SPSB3: variants seen among roughly 807,000 people sequenced by gnomAD.
The protein encoded by SPSB3 is SPRY domain-containing SOCS box protein 3.
Under a neutral mutation model 29.5 loss-of-function variants are expected in SPSB3, and 18 were observed. The observed-to-expected ratio is 0.61, with a 90% confidence interval of 0.42 to 0.91. The LOEUF is 0.91. Ranked by LOEUF, SPSB3 falls within the 40% of genes least tolerant of loss-of-function variation. The pLI, the probability that SPSB3 is intolerant of heterozygous loss-of-function variation, is 0.00. For synonymous variants in SPSB3, 299 were observed against 214.1 expected (o/e 1.40, Z -3.46); for missense variants, 540 against 507.5 (o/e 1.06, Z -0.61).
intron 2 of SPSB3, chr16:1,780,899 A>C: frequency 3.0e-6 from 1 of 331,294 alleles, no homozygotes; most frequent in Non-Finnish European, 5.9e-6. Context: ...CGCCTGACAC[A>C]TTTTTTAAAT....
Position 1,777,129 on chromosome 16 carries a change from G to T in SPSB3, c.1036C>A (p.Pro346Thr). ...CGGCGGCAGCGCTTCCTCTGGCAGG[G>T]CCGAGGCTCGCGACTGCTGGGGTGG... is the stretch of plus-strand genomic sequence containing the variant. ...SAHPSSREPR[P>T]CQRKRCRRT Residue 346 changes from proline (P) to threonine (T), a missense_variant, in exon 7 of 7, where the codon CCC becomes ACC. By Grantham distance (38) the Pro-to-Thr change is conservative. Coordinates refer to ENST00000566339, the MANE Select transcript of SPSB3 (RefSeq NM_080861.4). 3 of 1,611,688 alleles carry T rather than the reference G, an allele frequency of 1.9e-6. No homozygotes were observed. Among genetic ancestry groups the T allele is most frequent in the Non-Finnish European group, 2.5e-6 (3 of 1,179,680 alleles).
At chr16:1,777,663 C>T (rs1336960585) in intron 6 of SPSB3, 84 bp downstream of exon 6, 3 of 1,570,626 alleles carry the variant, frequency 1.9e-6, no homozygotes, top group Non-Finnish European at 2.6e-6. Flanking sequence ...TTCAGAAAAC[C>T]TCAGTGTCCC....
chr16:1,778,961 G>A (rs1042545273), intron 2 of SPSB3: 1 of 207,678 alleles, frequency 4.8e-6, no homozygotes. Context: ...CAGCCCTGCA[G>A]GGGCCCCCAG....
Position 1,777,043 on chromosome 16 carries a change from G to A in SPSB3, c.*54C>T, listed in dbSNP as rs529866924. The A allele has an allele frequency of 5.1e-6, 8 of 1,564,488 alleles. No homozygotes were observed. Among genetic ancestry groups the A allele is most frequent in the African/African-American group, 4.1e-5 (3 of 74,052 alleles). On this transcript the variant is annotated 3_prime_UTR_variant, in exon 7 of 7. Coordinates refer to ENST00000566339, the MANE Select transcript of SPSB3 (RefSeq NM_080861.4). ...GGAAGGAAGGGACAGAGAAAGAAGG[G>A]ACAGAGGAAAGGGGCTGTCCCAGCC...
At chr16:1,778,654 T>C in intron 2 of SPSB3, 42 bp from the exon 3 acceptor site, 1 of 1,516,530 alleles carries the variant, frequency 6.6e-7, no homozygotes, top group East Asian at 2.3e-5. Flanking sequence ...TTGCCCGCTC[T>C]CTACCCTCTC....
chr16:1,778,128 A>G lies in SPSB3; in HGVS notation c.492+6T>C. On this transcript the variant is annotated splice_donor_region_variant and intron_variant, in intron 4 of 6. Transcript: ENST00000566339. ...CCCAGAAGCACCCTGGGCCGAAGCA[A>G]CTTACCATGTCGGTGCCGTAGACGG... 3.1e-6 allele frequency: 5 copies of G among 1,612,772 alleles called. No homozygotes were observed. Among genetic ancestry groups the G allele is most frequent in the Non-Finnish European group, 4.2e-6 (5 of 1,179,726 alleles).
chr16:1,776,944 A>G lies in SPSB3; in HGVS notation c.*153T>C. ...GGGCCCTAGAGCCCCCACAGAAAGG[A>G]CTGTCCCAGCCTCGGGAGCAAGAGA... On this transcript the variant is annotated 3_prime_UTR_variant, in exon 7 of 7. Coordinates refer to ENST00000566339, the MANE Select transcript of SPSB3 (RefSeq NM_080861.4). 2.3e-6 allele frequency: 2 copies of G among 865,394 alleles called. No individual in the cohort carries two copies. Among genetic ancestry groups the G allele is most frequent in the Non-Finnish European group, 3.5e-6 (2 of 576,378 alleles). 53.6% of individuals were successfully genotyped at this position (865,394 alleles called of 1,614,324 possible).
rs747146862 is a variant in SPSB3, at chr16:1,781,504, A to G, written c.-12-9T>C. 6.2e-7 allele frequency: 1 copy of G among 1,610,034 alleles called. No individual in the cohort carries two copies. Among genetic ancestry groups the G allele is most frequent in the East Asian group, 2.2e-5 (1 of 44,818 alleles). Reference sequence around the variant, plus strand: ...GCCATGGTGGAAAGAATCTAGAAGAAAACACAGGCTCTGGGCAAAGGAAGA... The same window carrying G: ...GCCATGGTGGAAAGAATCTAGAAGAGAACACAGGCTCTGGGCAAAGGAAGA... On this transcript the variant is annotated splice_polypyrimidine_tract_variant and intron_variant, in intron 1 of 6. Coordinates refer to ENST00000566339, the MANE Select transcript of SPSB3 (RefSeq NM_080861.4).
At chr16:1,782,345 C>G (rs1206296003) in intron 1 of SPSB3, 157 bp downstream of exon 1, 2 of 151,678 alleles carry the variant, frequency 1.3e-5, no homozygotes, top group African/African-American at 4.8e-5. Context: ...CGCGGGCGCG[C>G]GGGTTCCGGA....
chr16:1,778,554 G>T lies in SPSB3; in HGVS notation c.185C>A (p.Ala62Glu). ...YSTLPPSIPS[A>E]VPVTGESFCD... ...GAAGGACTCGCCGGTCACGGGCACC[G>T]CACTGGGGATGGATGGCGGCAGCGT... The change falls in exon 3 of 7, where the codon GCG becomes GAG. Residue 62 changes from alanine (A) to glutamate (E), a missense_variant. Coordinates refer to ENST00000566339, the MANE Select transcript of SPSB3 (RefSeq NM_080861.4). The T allele has an allele frequency of 6.2e-7, 1 of 1,603,574 alleles. No individual in the cohort carries two copies. The highest frequency in any genetic ancestry group is 8.5e-7 in the Non-Finnish European group (1 of 1,173,540).
At position 1,777,205 on chromosome 16, in the gene SPSB3, A is replaced by G. The variant is rs1045833787; in HGVS notation, c.960T>C (p.Ser320=). The G allele has an allele frequency of 3.1e-6, 5 of 1,610,466 alleles. No homozygotes were observed. Among genetic ancestry groups the G allele is most frequent in the Non-Finnish European group, 4.2e-6 (5 of 1,179,820 alleles). Residue 320 remains serine, a synonymous_variant, in exon 7 of 7, where the codon AGT becomes AGC. Transcript: ENST00000566339. ...ACACTGGAGCCTTGCGGCGGCTGCA[A>G]CTCATGCTCAGGACCCAGCCCAGCT... ...HNKLGWVLSM[S]CSRRKAPVSD... is the part of the protein sequence containing the mutation.
Position 1,776,903 on chromosome 16 carries a change from C to A in SPSB3, c.*194G>T. On this transcript the variant is annotated 3_prime_UTR_variant, in exon 7 of 7. Transcript: ENST00000566339. Reference sequence around the variant, plus strand: ...GGCTCAGGGCAGCCGCTTCCCCACCCAGCACAGCAGCAGAGGGGCCCTAGA... The same window carrying A: ...GGCTCAGGGCAGCCGCTTCCCCACCAAGCACAGCAGCAGAGGGGCCCTAGA... 1 of 657,552 alleles carries A rather than the reference C, an allele frequency of 1.5e-6. No homozygotes were observed. The highest frequency in any genetic ancestry group is 2.0e-5 in the South Asian group (1 of 49,566). The allele number at this position is 657,552 out of a possible 1,614,324, so 40.7% of individuals were successfully genotyped here.
intron 2 of SPSB3, chr16:1,780,248 C>T (rs369223085): frequency 6.6e-6 from 1 of 152,530 alleles, no homozygotes; most frequent in East Asian, 1.9e-4. Flanking sequence ...AGAGACTGCT[C>T]CAGGGCACAT....
rs1372717351 is a variant in SPSB3, at chr16:1,778,278, G to A, written c.348C>T (p.Thr116=). The change falls in exon 4 of 7, where the codon ACC becomes ACT. Residue 116 remains threonine, a synonymous_variant. Coordinates refer to ENST00000566339, the MANE Select transcript of SPSB3 (RefSeq NM_080861.4). ...VWDDLNKSSA[T]LLSCDNRKVS... Reference sequence around the variant, plus strand: ...CCTTACGGTTGTCACAGCTCAGCAGGGTGGCTGATGACTTATTTAAGTCAT... The same window carrying A: ...CCTTACGGTTGTCACAGCTCAGCAGAGTGGCTGATGACTTATTTAAGTCAT... 3.7e-6 allele frequency: 6 copies of A among 1,612,746 alleles called. No homozygotes were observed. The highest frequency in any genetic ancestry group is 1.7e-5 in the Admixed American group (1 of 60,008).
Position 1,781,003 on chromosome 16 carries a change from G to A in SPSB3, c.126+355C>T, listed in dbSNP as rs189325451. The A allele has an allele frequency of 8.4e-4, 393 of 468,956 alleles. 1 individual carries two copies. The highest frequency in any genetic ancestry group is 1.2e-3 in the Admixed American group (33 of 28,116). 29.0% of individuals were successfully genotyped at this position (468,956 alleles called of 1,614,324 possible). On this transcript the variant is annotated intron_variant, in intron 2 of 6. Transcript: ENST00000566339. Reference sequence around the variant, plus strand: ...CAGCTTCAGCCTCCCAAAGTGCTAGGATTATAGGTGTGAGCCACAGTGCCC... The same window carrying A: ...CAGCTTCAGCCTCCCAAAGTGCTAGAATTATAGGTGTGAGCCACAGTGCCC...
Position 1,776,724 on chromosome 16 carries a change from A to G in SPSB3, c.*373T>C, listed in dbSNP as rs547617628. On this transcript the variant is annotated 3_prime_UTR_variant, in exon 7 of 7. Coordinates refer to ENST00000566339, the MANE Select transcript of SPSB3 (RefSeq NM_080861.4). ...AGCTCACGCCATGTGGGTGTTAGAC[A>G]TCAACTCTACATTTATTGCAGTCCT... The G allele has an allele frequency of 4.8e-5, 16 of 330,044 alleles. No homozygotes were observed. The highest frequency in any genetic ancestry group is 2.3e-4 in the African/African-American group (11 of 46,876). The allele number at this position is 330,044 out of a possible 1,614,324, so 20.4% of individuals were successfully genotyped here.
In SPSB3 at chr16:1,777,262, C is replaced by T; in HGVS notation, c.903G>A (p.Leu301=). The T allele has an allele frequency of 6.2e-7, 1 of 1,610,578 alleles. No individual in the cohort carries two copies. Among genetic ancestry groups the T allele is most frequent in the Non-Finnish European group, 8.5e-7 (1 of 1,179,842 alleles). ...DSGDTLEGLP[L]PPGLKQVLHN... is the part of the protein sequence containing the mutation. ...GTAGCACCTGCTTGAGGCCCGGCGG[C>T]AGCGGCAGACCCTCCAGCGTGTCTC... Residue 301 remains leucine, a synonymous_variant, in exon 7 of 7, where the codon CTG becomes CTA. Coordinates refer to ENST00000566339, the MANE Select transcript of SPSB3 (RefSeq NM_080861.4).
intron 6 of SPSB3, 124 bp downstream of exon 6, chr16:1,777,623 C>G: frequency 6.7e-7 from 1 of 1,497,508 alleles, no homozygotes; most frequent in Non-Finnish European, 9.0e-7. Context: ...CCCTGGGACC[C>G]TGGGGCCTCA....
chr16:1,781,038 G>T, intron 2 of SPSB3: 1 of 707,262 alleles, frequency 1.4e-6, no homozygotes, highest in Non-Finnish European at 2.1e-6. Context: ...CAGCCCCGTA[G>T]TGGAGAATTT....
Sources: allele counts gnomAD v4.1 joint callset, GRCh38; gene constraint gnomAD v4.1.1; transcripts MANE v1.5; gene names NCBI Gene and HGNC (gene_info 2026-07-23, HGNC 2026-07-21).